Variants in TNIK observed in about 807,000 individuals in gnomAD.
The protein encoded by TNIK is TRAF2 and NCK interacting kinase, also known as TRAF2 and NCK-interacting protein kinase.
Under a neutral mutation model 191.3 loss-of-function variants are expected in TNIK, and 49 were observed. The ratio of observed to expected loss-of-function variants is 0.26; its 90% CI spans 0.20 to 0.32. The LOEUF (loss-of-function observed/expected upper bound fraction) is 0.32. Ranked by LOEUF, TNIK falls within the 10% of genes least tolerant of loss-of-function variation. The probability of loss-of-function intolerance (pLI) is 1.00; values close to 1 mark genes in which losing one functional copy is unlikely to be tolerated. For missense variants in TNIK, 1,155 were observed against 1,702.3 expected (o/e 0.68, Z 5.66); for synonymous variants, 594 against 600.9 (o/e 0.99, Z 0.17).
rs574199541 is a variant in TNIK, at chr3:171,088,529, G to A, written c.2722-1023C>T. ...ATGACACGTGTGAACCACCATGCCC[G>A]GCCAAAGGTATTTTATAATGTATAT... is the stretch of plus-strand genomic sequence containing the variant. On this transcript the variant is annotated intron_variant, in intron 23 of 32. Transcript: ENST00000436636. Among the ~76,000 whole-genome samples the A allele has an allele frequency of 1.5e-3, 223 of 152,210 alleles. 1 individual carries two copies. The highest frequency in any genetic ancestry group is 2.6e-3 in the Non-Finnish European group (180 of 68,010).
chr3:171,335,184 A>C (rs1221085545), intron 2 of TNIK, among the ~76,000 whole-genome samples: 1 of 152,230 alleles, frequency 6.6e-6, no homozygotes, highest in Non-Finnish European at 1.5e-5. Context: ...GGATAAGCAC[A>C]GTGCCTGGTA....
intron 21 of TNIK, among the ~76,000 whole-genome samples, chr3:171,104,830 G>A (rs1382059772): frequency 1.3e-5 from 2 of 152,016 alleles, no homozygotes; most frequent in Admixed American, 1.3e-4. Context: ...CCTAGTTATT[G>A]TTCACCTTCC....
intron 2 of TNIK, among the ~76,000 whole-genome samples, chr3:171,277,168 G>A (rs1016862741): frequency 1.2e-4 from 18 of 152,300 alleles, no homozygotes; most frequent in African/African-American, 4.1e-4. Context: ...CTTCAGCCAT[G>A]TTATGATGCA....
intron 1 of TNIK, among the ~76,000 whole-genome samples, chr3:171,426,625 G>T (rs1393211795): frequency 6.6e-6 from 1 of 152,036 alleles, no homozygotes; most frequent in Non-Finnish European, 1.5e-5. Context: ...TTTTATTCAG[G>T]TCTACCTTGC....
rs139054238 is a variant in TNIK at position 171,245,953 on chromosome 3, G to A, written c.124-17732C>T. Among the ~76,000 whole-genome samples the A allele has an allele frequency of 1.7e-3, 258 of 152,210 alleles. 1 individual carries two copies. Among genetic ancestry groups the A allele is most frequent in the African/African-American group, 5.9e-3 (245 of 41,516 alleles). Reference sequence around the variant, plus strand: ...GACAGACAGACAGACTTGGGGGAGGGGAGCAGATGAAGAACGGAAGTAGAT... The same window carrying A: ...GACAGACAGACAGACTTGGGGGAGGAGAGCAGATGAAGAACGGAAGTAGAT... On this transcript the variant is annotated intron_variant, in intron 2 of 32. Coordinates refer to ENST00000436636, the MANE Select transcript of TNIK (RefSeq NM_015028.4).
At chr3:171,252,695 T>C (rs892579839) in intron 2 of TNIK, among the ~76,000 whole-genome samples, 2 of 152,210 alleles carry the variant, frequency 1.3e-5, no homozygotes, top group African/African-American at 4.8e-5. Context: ...AATGTTAACT[T>C]TGATATAAGA....
chr3:171,133,187 T>C (rs377658633), intron 15 of TNIK, among the ~76,000 whole-genome samples: 114 of 152,344 alleles, frequency 7.5e-4, no homozygotes, highest in African/African-American at 2.7e-3. Context: ...CTGGACTATT[T>C]TCCCAGATCA....
At chr3:171,232,732 C>G (rs574276911) in intron 2 of TNIK, among the ~76,000 whole-genome samples, 1 of 147,664 alleles carries the variant, frequency 6.8e-6, no homozygotes, top group African/African-American at 2.6e-5. Flanking sequence ...CACTTAAGAA[C>G]CTACTCTGCT....
At chr3:171,371,009 T>TACCAGCTGTGCCTTG (rs1716413868) in intron 1 of TNIK, among the ~76,000 whole-genome samples, 1 of 152,154 alleles carries the variant, frequency 6.6e-6, no homozygotes, top group South Asian at 2.1e-4. Flanking sequence ...CTGGGTTAAA[T>TACCAGCTGTGCCTTG]ACCAGCTGTG....
intron 1 of TNIK, among the ~76,000 whole-genome samples, chr3:171,434,412 G>A (rs1361243118): frequency 6.6e-6 from 1 of 151,468 alleles, no homozygotes; most frequent in Non-Finnish European, 1.5e-5. Context: ...ATGATGACAA[G>A]GTTGTCCCTG....
chr3:171,313,327 G>A (rs1293053526), intron 2 of TNIK, among the ~76,000 whole-genome samples: 1 of 151,840 alleles, frequency 6.6e-6, no homozygotes, highest in Non-Finnish European at 1.5e-5. Flanking sequence ...GGATCTGGAA[G>A]GGAAATTAGG....
chr3:171,257,287 A>G (rs976543478), intron 2 of TNIK, among the ~76,000 whole-genome samples: 1 of 152,228 alleles, frequency 6.6e-6, no homozygotes, highest in Non-Finnish European at 1.5e-5. Context: ...AAATGATTCC[A>G]TGTAACTGGC....
chr3:171,134,074 A>G (rs1478711174), intron 15 of TNIK, among the ~76,000 whole-genome samples: 1 of 152,172 alleles, frequency 6.6e-6, no homozygotes, highest in Non-Finnish European at 1.5e-5. Flanking sequence ...CCACACAGTT[A>G]TTGCCAGGCC....
intron 10 of TNIK, 104 bp from the exon 11 acceptor site, chr3:171,161,440 A>G (rs2108734953): frequency 3.1e-6 from 3 of 963,280 alleles, no homozygotes; most frequent in Non-Finnish European, 4.6e-6. Flanking sequence ...AAAGAGTTGT[A>G]GTTAACACAG....
intron 2 of TNIK, 76 bp from the exon 3 acceptor site, chr3:171,228,297 A>C: frequency 6.4e-7 from 1 of 1,557,216 alleles, no homozygotes; most frequent in Non-Finnish European, 8.8e-7. Flanking sequence ...AATAAAGAAA[A>C]ATTGCTTGGA....
At chr3:171,335,806 T>C (rs1756900478) in intron 2 of TNIK, among the ~76,000 whole-genome samples, 1 of 152,202 alleles carries the variant, frequency 6.6e-6, no homozygotes, top group Admixed American at 6.5e-5. Context: ...TGCCAGGTCA[T>C]CTGGTAGGTG....
intron 2 of TNIK, among the ~76,000 whole-genome samples, chr3:171,296,074 CA>C (rs1752258033): frequency 1.3e-5 from 2 of 152,258 alleles, no homozygotes; most frequent in South Asian, 4.2e-4. Flanking sequence ...CAGTATGTGT[CA>C]AACCTTTAGT....
intron 2 of TNIK, among the ~76,000 whole-genome samples, chr3:171,339,777 G>A (rs1256852493): frequency 4.6e-5 from 7 of 152,222 alleles, no homozygotes; most frequent in Admixed American, 4.6e-4. Context: ...GTCTGTTGCT[G>A]TAATTTTCAG....
intron 25 of TNIK, 57 bp from the exon 26 acceptor site, chr3:171,084,382 T>C: frequency 6.4e-7 from 1 of 1,558,892 alleles, no homozygotes. Flanking sequence ...CTTATGGAGA[T>C]GGGGCTTCAA....
Sources: allele counts gnomAD v4.1 joint callset (sites outside exome capture counted in the v4.1 genomes callset), GRCh38; gene constraint gnomAD v4.1.1; transcripts MANE v1.5; gene names NCBI Gene and HGNC (gene_info 2026-07-23, HGNC 2026-07-21).